TSPAN14: variants seen among roughly 807,000 people sequenced by gnomAD.
The protein encoded by TSPAN14 is tetraspanin 14.
A neutral mutation model predicts 36.6 loss-of-function variants in TSPAN14; 16 were observed. That is an observed-to-expected ratio of 0.44 (90% confidence interval 0.30 to 0.66). The LOEUF (loss-of-function observed/expected upper bound fraction) is 0.66. TSPAN14 is among the 30% of genes least tolerant of loss of function. TSPAN14 has a pLI of 0.12. For synonymous variants in TSPAN14, 139 were observed against 143.8 expected (o/e 0.97, Z 0.24); for missense variants, 231 against 355.1 (o/e 0.65, Z 2.81).
chr10:80,493,683 G>A (rs893776616), intron 2 of TSPAN14, among the ~76,000 whole-genome samples: 1 of 152,220 alleles, frequency 6.6e-6, no homozygotes, highest in African/African-American at 2.4e-5. Flanking sequence ...ACTTATATGA[G>A]GTGCCCACAG....
chr10:80,507,483 C>T (rs1840362552), intron 4 of TSPAN14, 109 bp downstream of exon 4: 2 of 1,452,276 alleles, frequency 1.4e-6, no homozygotes, highest in African/African-American at 1.4e-5. Context: ...TTAGGAGCCT[C>T]CCCTAGGCCC....
chr10:80,517,790 C>A lies in TSPAN14; in HGVS notation c.742-115C>A, dbSNP rs558113482. The A allele has an allele frequency of 1.2e-3, 1,235 of 1,005,520 alleles. 1 individual carries two copies. The highest frequency in any genetic ancestry group is 1.8e-3 in the Non-Finnish European group (1,183 of 657,918). 62.3% of individuals were successfully genotyped at this position (1,005,520 alleles called of 1,614,324 possible). On this transcript the variant is annotated intron_variant, in intron 8 of 8. Coordinates refer to ENST00000429989, the Ensembl canonical transcript of TSPAN14. The stretch of plus-strand genomic sequence containing the variant: ...GGTGCTGTCTCTACGTCTTCAGTCG[C>A]AGCTGGGGGGTGAGGAGAGGCGTGC...
exon 9 of TSPAN14, chr10:80,521,022 C>G: frequency 2.9e-6 from 1 of 341,588 alleles, no homozygotes; most frequent in Non-Finnish European, 5.8e-6. Flanking sequence ...CCACAAGAAG[C>G]CTGGCACTGG....
intron 1 of TSPAN14, among the ~76,000 whole-genome samples, chr10:80,467,399 A>G (rs1483415749): frequency 6.6e-6 from 1 of 152,182 alleles, no homozygotes; most frequent in African/African-American, 2.4e-5. Context: ...TCTTTCTGGG[A>G]AAAACACAAT....
intron 1 of TSPAN14, among the ~76,000 whole-genome samples, chr10:80,462,250 C>T (rs1012024350): frequency 2.0e-5 from 3 of 151,914 alleles, no homozygotes; most frequent in Admixed American, 6.6e-5. Context: ...CCCATTCCCC[C>T]TCTCTGGCCT....
Position 80,509,212 on chromosome 10 carries a change from G to A in TSPAN14, c.280-89G>A. On this transcript the variant is annotated intron_variant, in intron 4 of 8. Transcript: ENST00000429989. This position sits in a 1 kb window ranked among gnomAD's most constrained non-coding sequence, Gnocchi z 4.7. ...GGTGCAGAGCCCACGCTCTGCTGAG[G>A]ATGGTGGTTCTGGGTCAGGTGGGGT... The A allele has an allele frequency of 7.0e-7, 1 of 1,425,832 alleles. No individual in the cohort carries two copies. The highest frequency in any genetic ancestry group is 2.3e-5 in the East Asian group (1 of 43,826). 88.3% of individuals were successfully genotyped at this position (1,425,832 alleles called of 1,614,324 possible). A position where few individuals can be genotyped will look rare whatever the true frequency, so the allele number is the denominator to read the frequency against.
At chr10:80,504,858 C>T (rs1192833417) in intron 3 of TSPAN14, 80 bp downstream of exon 3, 3 of 1,458,824 alleles carry the variant, frequency 2.1e-6, no homozygotes, top group Non-Finnish European at 2.9e-6. Flanking sequence ...CTCCTCCAAT[C>T]TGTTCCCTGA....
intron 2 of TSPAN14, among the ~76,000 whole-genome samples, chr10:80,496,623 A>T (rs570714492): frequency 6.6e-6 from 1 of 152,066 alleles, no homozygotes; most frequent in Non-Finnish European, 1.5e-5. Context: ...GACATTGTTT[A>T]TCTAGGGCAC....
intron 2 of TSPAN14, among the ~76,000 whole-genome samples, chr10:80,499,699 G>T (rs566419800): frequency 6.6e-6 from 1 of 152,214 alleles, no homozygotes; most frequent in Non-Finnish European, 1.5e-5. Context: ...AAAAATGAGG[G>T]TAATTGAGCC....
intron 2 of TSPAN14, among the ~76,000 whole-genome samples, chr10:80,495,948 G>A (rs1276231792): frequency 2.0e-5 from 3 of 152,124 alleles, no homozygotes; most frequent in Non-Finnish European, 4.4e-5. Context: ...CCTTCCCTGG[G>A]TGATGGTTGT....
intron 7 of TSPAN14, 91 bp downstream of exon 7, chr10:80,514,154 GT>G: frequency 2.4e-6 from 3 of 1,259,858 alleles, no homozygotes. Flanking sequence ...GCAAATTGAA[GT>G]GGGAAAACTC....
chr10:80,507,592 G>A (rs1284422958), intron 4 of TSPAN14, among the ~76,000 whole-genome samples: 1 of 152,216 alleles, frequency 6.6e-6, no homozygotes, highest in Non-Finnish European at 1.5e-5. Flanking sequence ...TTAGCCCTGG[G>A]TGGGAGGAGC....
At chr10:80,462,220 T>C (rs552985366) in intron 1 of TSPAN14, among the ~76,000 whole-genome samples, 24 of 152,292 alleles carry the variant, frequency 1.6e-4, no homozygotes, top group Non-Finnish European at 3.2e-4. Context: ...CATCTTATTC[T>C]GTAAGGGGAA....
chr10:80,483,353 T>C (rs1036828056), intron 1 of TSPAN14, among the ~76,000 whole-genome samples: 2 of 152,344 alleles, frequency 1.3e-5, no homozygotes, highest in South Asian at 2.1e-4. Flanking sequence ...ATTTTCATGC[T>C]CTTAACATTC....
intron 3 of TSPAN14, among the ~76,000 whole-genome samples, chr10:80,505,435 A>AGAGGG (rs1400267271): frequency 6.6e-6 from 1 of 151,982 alleles, no homozygotes; most frequent in Non-Finnish European, 1.5e-5. Context: ...CAGGGAGGGA[A>AGAGGG]GAGGGGAGGG....
At chr10:80,520,788 A>G (rs1841229427) in exon 9 of TSPAN14, 4 of 533,408 alleles carry the variant, frequency 7.5e-6, no homozygotes, top group Non-Finnish European at 1.5e-5. Flanking sequence ...AAAGCTGCTT[A>G]TCCCAATTGT....
chr10:80,493,127 C>G (rs1284476318), intron 2 of TSPAN14, among the ~76,000 whole-genome samples: 1 of 152,148 alleles, frequency 6.6e-6, no homozygotes, highest in Non-Finnish European at 1.5e-5. Flanking sequence ...AAAAATCATT[C>G]TTTGGTTGTG....
chr10:80,477,871 AG>A (rs761938385), intron 1 of TSPAN14, among the ~76,000 whole-genome samples: 1 of 152,194 alleles, frequency 6.6e-6, no homozygotes, highest in Admixed American at 6.5e-5. Flanking sequence ...ATAGATGAAA[AG>A]GGGCCTCACT....
exon 9 of TSPAN14, chr10:80,519,498 G>T (rs1049840331): frequency 1.5e-5 from 2 of 137,900 alleles, no homozygotes; most frequent in Non-Finnish European, 3.0e-5. Context: ...GTGTATACTG[G>T]TGGCTGTTGA....
Sources: allele counts gnomAD v4.1 joint callset (sites outside exome capture counted in the v4.1 genomes callset), GRCh38; gene constraint gnomAD v4.1.1; non-coding constraint Gnocchi (gnomAD v3.1); transcripts MANE v1.5; gene names NCBI Gene and HGNC (gene_info 2026-07-23, HGNC 2026-07-21).